ARHGAP21: variants seen among roughly 807,000 people sequenced by gnomAD.
The protein encoded by ARHGAP21 is rho GTPase-activating protein 21.
In ARHGAP21, 38 loss-of-function variants were observed where a neutral mutation model predicts 164.6. That is an observed-to-expected ratio of 0.23 (90% CI 0.18 to 0.30). The LOEUF is 0.30. Among genes scored for constraint, ARHGAP21 ranks in the 10% least tolerant of loss-of-function variants. ARHGAP21 has a pLI of 1.00. For synonymous variants in ARHGAP21, 766 were observed against 857.9 expected (o/e 0.89, Z 1.87); for missense variants, 1,822 against 2,370.7 (o/e 0.77, Z 4.81).
chr10:24,722,477 C>T (rs73606552), intron 1 of ARHGAP21, 198 bp from the exon 2 acceptor site: 2,398 of 156,186 alleles, frequency 0.015, 55 homozygotes, highest in African/African-American at 0.049. Context: ...GCGGTTGCGT[C>T]AAACACACCT....
At position 24,596,020 on chromosome 10, in the gene ARHGAP21, T is replaced by C; in HGVS notation, c.3501A>G (p.Ile1167Met). The stretch of plus-strand genomic sequence containing the variant: ...CTCTTTCTTCAACTAATTTGCAACA[T>C]ATGTCAACTATTAATGGAATATACT... ...TNRYIPLIVD[I>M]CCKLVEERGL... The change falls in exon 18 of 26, where the codon ATA (isoleucine) becomes ATG (methionine). Residue 1167 changes from isoleucine (I) to methionine (M), a missense_variant. Physicochemically the swap from Ile to Met is conservative, Grantham distance 10. Coordinates refer to ENST00000396432, the MANE Select transcript of ARHGAP21 (RefSeq NM_020824.4). 6.2e-7 allele frequency: 1 copy of C among 1,604,518 alleles called. No homozygotes were observed. Among genetic ancestry groups the C allele is most frequent in the Non-Finnish European group, 8.5e-7 (1 of 1,174,522 alleles).
At chr10:24,587,199 G>T (rs1353249812) in intron 25 of ARHGAP21, among the ~76,000 whole-genome samples, 1 of 151,998 alleles carries the variant, frequency 6.6e-6, no homozygotes, top group Non-Finnish European at 1.5e-5. Context: ...GCCCAGGCTG[G>T]TCTAGAAGCC....
At chr10:24,603,974 A>G (rs1405459167) in intron 12 of ARHGAP21, among the ~76,000 whole-genome samples, 3 of 151,362 alleles carry the variant, frequency 2.0e-5, no homozygotes, top group Admixed American at 2.0e-4. Context: ...GATGATAAAT[A>G]AGGAAATTCC....
intron 4 of ARHGAP21, chr10:24,640,022 C>T (rs1322357918): frequency 6.6e-6 from 1 of 151,708 alleles, no homozygotes; most frequent in Non-Finnish European, 1.5e-5. Flanking sequence ...CACAGAGAAA[C>T]AGATCATGAT....
At chr10:24,602,278 A>G (rs1185626467) in intron 12 of ARHGAP21, among the ~76,000 whole-genome samples, 175 bp from the exon 13 acceptor site, 1 of 152,196 alleles carries the variant, frequency 6.6e-6, no homozygotes, top group Non-Finnish European at 1.5e-5. Flanking sequence ...AATGTGAATT[A>G]TCATTTTTTA....
At chr10:24,635,226 G>T in intron 4 of ARHGAP21, 123 bp from the exon 5 acceptor site, 1 of 543,346 alleles carries the variant, frequency 1.8e-6, no homozygotes, top group Non-Finnish European at 3.1e-6. Flanking sequence ...TACATATCCT[G>T]AATTTGGATG....
chr10:24,634,536 ATACT>A (rs1836179686), intron 5 of ARHGAP21, among the ~76,000 whole-genome samples: 1 of 152,270 alleles, frequency 6.6e-6, no homozygotes, highest in African/African-American at 2.4e-5. Flanking sequence ...TAAGCCACAT[ATACT>A]GACACCTTCA....
chr10:24,706,413 G>A lies in ARHGAP21; in HGVS notation c.63+15424C>T, dbSNP rs377704795. ...AAAGATTACTTTCCTACTCTTACAAGAAGACAGTGTTTTTATATCCTGATT... is the reference window on the plus strand; with the variant it reads ...AAAGATTACTTTCCTACTCTTACAAAAAGACAGTGTTTTTATATCCTGATT... On this transcript the variant is annotated intron_variant, in intron 2 of 25. Coordinates refer to ENST00000396432, the MANE Select transcript of ARHGAP21 (RefSeq NM_020824.4). 9.2e-5 allele frequency: 14 copies of A among 152,396 alleles called. No individual in the cohort carries two copies. In the South Asian group the frequency reaches 2.3e-3, roughly 25 times the overall value. 9.4% of individuals were successfully genotyped at this position (152,396 alleles called of 1,614,324 possible). A position where few individuals can be genotyped will look rare whatever the true frequency, so the allele number is the denominator to read the frequency against.
At chr10:24,665,531 A>T (rs1189270673) in intron 4 of ARHGAP21, among the ~76,000 whole-genome samples, 2 of 152,158 alleles carry the variant, frequency 1.3e-5, no homozygotes, top group Admixed American at 6.5e-5. Context: ...TTTCATTTAT[A>T]AAAAAAATCT....
chr10:24,672,769 T>C (rs1249733852), intron 2 of ARHGAP21, among the ~76,000 whole-genome samples: 1 of 152,060 alleles, frequency 6.6e-6, no homozygotes, highest in Non-Finnish European at 1.5e-5. Context: ...AAAAGATAAC[T>C]AGGTGGTAAC....
At position 24,595,151 on chromosome 10, in the gene ARHGAP21, T is replaced by C. The variant is rs762321576; in HGVS notation, c.3752A>G (p.Asp1251Gly). ...ADFIEANRKEDPLDRLKTLKR... is the reference protein window; with the variant it reads ...ADFIEANRKEGPLDRLKTLKR... ...TAATGTTTTCAGACGATCTAGAGGATCTTCTTTACGATTGGCTTCAATAAA... is the reference window on the plus strand; with the variant it reads ...TAATGTTTTCAGACGATCTAGAGGACCTTCTTTACGATTGGCTTCAATAAA... Residue 1251 changes from aspartate (D) to glycine (G), a missense_variant, in exon 20 of 26, where the codon GAT (aspartate) becomes GGT (glycine). This residue lies in a region of ARHGAP21 where 117 missense variants were observed against 238.1 expected (regional missense o/e 0.49). Transcript: ENST00000396432. 1.2e-6 allele frequency: 2 copies of C among 1,611,894 alleles called. No individual in the cohort carries two copies. Among genetic ancestry groups the C allele is most frequent in the Middle Eastern group, 1.7e-4 (1 of 6,050 alleles).
At chr10:24,707,568 C>T (rs575644724) in intron 2 of ARHGAP21, among the ~76,000 whole-genome samples, 1 of 152,318 alleles carries the variant, frequency 6.6e-6, no homozygotes, top group South Asian at 2.1e-4. Flanking sequence ...CACCTACATA[C>T]TACATGTCCA....
chr10:24,622,784 T>G, intron 7 of ARHGAP21, 22 bp from the exon 8 acceptor site: 1 of 1,607,794 alleles, frequency 6.2e-7, no homozygotes, highest in Non-Finnish European at 8.5e-7. Flanking sequence ...TAGGAAAACA[T>G]AGTAGAAGCT....
At chr10:24,607,088 T>A (rs886460537) in intron 11 of ARHGAP21, among the ~76,000 whole-genome samples, 3 of 152,196 alleles carry the variant, frequency 2.0e-5, no homozygotes, top group Non-Finnish European at 4.4e-5. Flanking sequence ...CAGGACTATA[T>A]GCATTTAAGG....
chr10:24,720,457 A>G (rs1399321155), intron 2 of ARHGAP21, among the ~76,000 whole-genome samples: 1 of 152,204 alleles, frequency 6.6e-6, no homozygotes, highest in Non-Finnish European at 1.5e-5. Context: ...CCGTGATCAG[A>G]GGATTGTGGT....
intron 4 of ARHGAP21, among the ~76,000 whole-genome samples, chr10:24,653,286 A>G (rs1438541479): frequency 6.6e-6 from 1 of 152,104 alleles, no homozygotes; most frequent in Non-Finnish European, 1.5e-5. Flanking sequence ...TTAAGAGACA[A>G]GGTCTTGGCC....
At chr10:24,648,961 T>C (rs2367071) in intron 4 of ARHGAP21, 341,361 of 674,886 alleles carry the variant, frequency 0.51, 87,134 homozygotes, top group Non-Finnish European at 0.52. Context: ...AATAAATATT[T>C]TGAAATTAAC....
At chr10:24,702,127 C>CTT (rs71798625) in intron 2 of ARHGAP21, among the ~76,000 whole-genome samples, 71,751 of 104,404 alleles carry the variant, frequency 0.69, 25,032 homozygotes, top group South Asian at 0.74. Context: ...ACTTCCGGTT[C>CTT]TTTTTTTTTT....
chr10:24,665,431 C>T (rs1242299463), intron 4 of ARHGAP21, among the ~76,000 whole-genome samples: 6 of 151,698 alleles, frequency 4.0e-5, no homozygotes, highest in South Asian at 2.1e-4. Context: ...TTCATACAAA[C>T]GAAAAAACAG....
Sources: allele counts gnomAD v4.1 joint callset (sites outside exome capture counted in the v4.1 genomes callset), GRCh38; gene constraint gnomAD v4.1.1; regional missense constraint gnomAD v4.1.1; transcripts MANE v1.5; gene names NCBI Gene and HGNC (gene_info 2026-07-23, HGNC 2026-07-21).